The following CNTN1 variants were observed in gnomAD, a reference collection of about 807,000 sequenced individuals.
The protein encoded by CNTN1 is contactin-1.
Under a neutral mutation model 126.4 loss-of-function variants are expected in CNTN1, and 38 were observed. The ratio of observed to expected loss-of-function variants is 0.30; its 90% CI spans 0.23 to 0.39. CNTN1 has a LOEUF of 0.39. CNTN1 is among the 10% of genes least tolerant of loss of function. The pLI is 1.00. For synonymous variants in CNTN1, 413 were observed against 422.6 expected, an observed-to-expected ratio of 0.98 and a Z score of 0.28; for missense variants, 1,009 against 1,248.4, an observed-to-expected ratio of 0.81 and a Z score of 2.89.
chr12:41,005,110 G>A (rs1014174235), intron 17 of CNTN1: 20 of 152,078 alleles, frequency 1.3e-4, no homozygotes, highest in African/African-American at 2.4e-4. Context: ...CAGGAGCTCT[G>A]GTAAGGCAGG....
intron 23 of CNTN1, among the ~76,000 whole-genome samples, chr12:41,048,382 C>G (rs1282694033): frequency 2.6e-5 from 4 of 152,020 alleles, no homozygotes; most frequent in Non-Finnish European, 4.4e-5. Flanking sequence ...AGTCAATGAC[C>G]TTGCTTCCTA....
chr12:40,933,039 G>T (rs1358565415), intron 7 of CNTN1, among the ~76,000 whole-genome samples: 1 of 151,414 alleles, frequency 6.6e-6, no homozygotes, highest in African/African-American at 2.4e-5. Flanking sequence ...CTTTATCTCT[G>T]TGGGCATTTC....
intron 1 of CNTN1, among the ~76,000 whole-genome samples, chr12:40,781,285 G>C (rs1392380134): frequency 6.6e-6 from 1 of 151,986 alleles, no homozygotes; most frequent in Admixed American, 6.6e-5. Flanking sequence ...CAGAAGAAGA[G>C]AGATTTTATA....
At chr12:40,925,498 C>T (rs1945611628) in intron 6 of CNTN1, among the ~76,000 whole-genome samples, 1 of 149,402 alleles carries the variant, frequency 6.7e-6, no homozygotes. Context: ...ATATATTTCA[C>T]ACAAAATTAT....
At chr12:40,805,056 T>A (rs186076291) in intron 1 of CNTN1, among the ~76,000 whole-genome samples, 4 of 152,214 alleles carry the variant, frequency 2.6e-5, no homozygotes, top group Admixed American at 6.6e-5. Context: ...ACAATACAAT[T>A]TTCCATATTC....
chr12:41,026,061 GGT>G, intron 21 of CNTN1, among the ~76,000 whole-genome samples: 1 of 152,230 alleles, frequency 6.6e-6, no homozygotes, highest in South Asian at 2.1e-4. Flanking sequence ...ACTAGAATTT[GGT>G]GTCTAACATG....
At chr12:41,054,866 A>C (rs1186813164) in intron 23 of CNTN1, among the ~76,000 whole-genome samples, 1 of 152,114 alleles carries the variant, frequency 6.6e-6, no homozygotes, top group Admixed American at 6.6e-5. Context: ...TATATTTTCT[A>C]CACAGCTCTG....
chr12:40,739,650 T>C (rs1937849989), intron 1 of CNTN1, among the ~76,000 whole-genome samples: 1 of 152,096 alleles, frequency 6.6e-6, no homozygotes, highest in Non-Finnish European at 1.5e-5. Context: ...ATATCTGTAA[T>C]GTTTTATTTC....
intron 15 of CNTN1, 34 bp downstream of exon 15, chr12:40,959,268 A>G: frequency 6.2e-7 from 1 of 1,609,358 alleles, no homozygotes; most frequent in Non-Finnish European, 8.5e-7. Flanking sequence ...TTACAAAACC[A>G]AAAGTATTTG....
At chr12:40,869,002 AT>A (rs1175777669) in intron 1 of CNTN1, among the ~76,000 whole-genome samples, 6 of 151,806 alleles carry the variant, frequency 4.0e-5, no homozygotes, top group African/African-American at 7.3e-5. Context: ...TTCATTTCAG[AT>A]TTTTTTCAGA....
intron 1 of CNTN1, among the ~76,000 whole-genome samples, chr12:40,770,409 A>G (rs1218303396): frequency 6.6e-6 from 1 of 152,194 alleles, no homozygotes; most frequent in African/African-American, 2.4e-5. Flanking sequence ...AAATAAAACT[A>G]GCACTAGAAT....
chr12:40,872,358 A>C lies in CNTN1; in HGVS notation c.-76-35999A>C, dbSNP rs115827038. Among the ~76,000 whole-genome samples, 1,363 of 152,044 alleles carry C rather than the reference A, an allele frequency of 9.0e-3. 19 individuals carry two copies. The highest frequency in any genetic ancestry group is 0.031 in the African/African-American group (1,295 of 41,444). On this transcript the variant is annotated intron_variant, in intron 1 of 23. Transcript: ENST00000551295. ...CAAGTGTAACAAATCAATATCAAGT[A>C]TCAAAATCATTAAATGAATTTGTGT...
At chr12:40,801,108 T>C (rs1940635714) in intron 1 of CNTN1, among the ~76,000 whole-genome samples, 1 of 149,444 alleles carries the variant, frequency 6.7e-6, no homozygotes, top group Non-Finnish European at 1.5e-5. Flanking sequence ...ATAATAATAA[T>C]AACAAATACC....
At chr12:40,842,903 T>C (rs12581257) in intron 1 of CNTN1, among the ~76,000 whole-genome samples, 23,382 of 152,166 alleles carry the variant, frequency 0.15, 1,807 homozygotes, top group Middle Eastern at 0.21. Context: ...TCTTGTTTTT[T>C]AATGACGAAA....
At chr12:40,711,294 T>G (rs939140122) in intron 1 of CNTN1, among the ~76,000 whole-genome samples, 1 of 152,200 alleles carries the variant, frequency 6.6e-6, no homozygotes, top group Non-Finnish European at 1.5e-5. Context: ...GCTATGTTTT[T>G]CTTTCATTTT....
intron 23 of CNTN1, among the ~76,000 whole-genome samples, chr12:41,059,981 G>A (rs1032415776): frequency 2.0e-5 from 3 of 151,888 alleles, no homozygotes; most frequent in African/African-American, 4.8e-5. Flanking sequence ...AGCTGTGATC[G>A]CATCTTTGCA....
At chr12:40,785,010 A>G (rs1939957268) in intron 1 of CNTN1, among the ~76,000 whole-genome samples, 1 of 152,128 alleles carries the variant, frequency 6.6e-6, no homozygotes, top group South Asian at 2.1e-4. Flanking sequence ...ATACAGTTCT[A>G]AGGAAATGAG....
At chr12:41,032,707 T>A (rs955483446) in intron 23 of CNTN1, among the ~76,000 whole-genome samples, 6 of 152,242 alleles carry the variant, frequency 3.9e-5, no homozygotes, top group Non-Finnish European at 8.8e-5. Context: ...TCTGAGTAAA[T>A]CTTCCTTATA....
chr12:40,727,167 G>C (rs1565653604), intron 1 of CNTN1, among the ~76,000 whole-genome samples: 1 of 150,886 alleles, frequency 6.6e-6, no homozygotes, highest in Non-Finnish European at 1.5e-5. Context: ...CTTCTTCAAG[G>C]ACAGTGTCAA....
Sources: allele counts gnomAD v4.1 joint callset (sites outside exome capture counted in the v4.1 genomes callset), GRCh38; gene constraint gnomAD v4.1.1; transcripts MANE v1.5; gene names NCBI Gene and HGNC (gene_info 2026-07-23, HGNC 2026-07-21).